CD99L2: variants seen among roughly 807,000 people sequenced by gnomAD.
CD99L2 encodes the protein CD99 antigen-like protein 2.
In CD99L2, 24 loss-of-function variants were observed where a neutral mutation model predicts 27.3. The ratio of observed to expected loss-of-function variants is 0.88; its 90% confidence interval spans 0.64 to 1.24. The LOEUF is 1.24. CD99L2 is among the 50% of genes most tolerant of loss of function. The pLI is 0.00. For missense variants in CD99L2, 255 were observed against 221.6 expected, an observed-to-expected ratio of 1.15 and a Z score of -0.96; for synonymous variants, 97 against 87.9, an observed-to-expected ratio of 1.10 and a Z score of -0.58.
At chrX:150,862,166 T>C (rs1046515499) in intron 1 of CD99L2, among the ~76,000 whole-genome samples, 2 of 111,993 alleles carry the variant, frequency 1.8e-5, no homozygotes, top group South Asian at 7.4e-4. Flanking sequence ...AAAAGCACTG[T>C]GATATAATAC....
At chrX:150,869,913 T>C (rs2047129281) in intron 1 of CD99L2, among the ~76,000 whole-genome samples, 1 of 110,944 alleles carries the variant, frequency 9.0e-6, no homozygotes, top group Admixed American at 9.6e-5. Context: ...GGGGAGGGAA[T>C]AGCTGACTGG....
At position 150,831,259 on chromosome X, in the gene CD99L2, A is replaced by C; in HGVS notation, c.102T>G (p.Asp34Glu). ...TTACTGAGGAAGTTTCTTTCACTGC[A>C]TCCTCCAGGTTAAAATCATCAAAGT... ...SGDFDDFNLE[D>E]AVKETSSVKQ... is the part of the protein sequence containing the mutation. The change falls in exon 2 of 11, where the codon GAT becomes GAG. Residue 34 changes from aspartate to glutamate, a missense_variant. Transcript: ENST00000370377. The C allele has an allele frequency of 8.3e-7, 1 of 1,206,439 alleles. No individual in the cohort carries two copies. Among genetic ancestry groups the C allele is most frequent in the African/African-American group, 1.7e-5 (1 of 57,629 alleles).
At chrX:150,889,455 T>C (rs928364737) in intron 1 of CD99L2, among the ~76,000 whole-genome samples, 1 of 109,333 alleles carries the variant, frequency 9.1e-6, no homozygotes, top group African/African-American at 3.5e-5. Context: ...CCCAGGCTAG[T>C]TGAAGCAGCA....
intron 4 of CD99L2, among the ~76,000 whole-genome samples, chrX:150,800,376 T>C (rs2045884717): frequency 1.8e-5 from 2 of 111,683 alleles, no homozygotes; most frequent in Non-Finnish European, 3.8e-5. Context: ...GAATCATGTG[T>C]TTGACCAACC....
chrX:150,773,299 C>T (rs990092252), intron 9 of CD99L2, among the ~76,000 whole-genome samples: 15 of 113,023 alleles, frequency 1.3e-4, no homozygotes, highest in Admixed American at 1.1e-3. Flanking sequence ...CTTGCCAGGC[C>T]GAGTTACAGG....
chrX:150,769,998 T>C (rs1603282575), intron 10 of CD99L2, among the ~76,000 whole-genome samples: 1 of 112,965 alleles, frequency 8.9e-6, no homozygotes. Context: ...CAGGATGTAA[T>C]TGTATTCGCT....
At chrX:150,799,755 T>C (rs932229245) in intron 4 of CD99L2, among the ~76,000 whole-genome samples, 3 of 111,380 alleles carry the variant, frequency 2.7e-5, no homozygotes, top group Admixed American at 9.5e-5. Flanking sequence ...CATGAAGAAA[T>C]TGGAACCCTG....
At chrX:150,793,570 T>A in intron 7 of CD99L2, 121 bp downstream of exon 7, 1 of 545,009 alleles carries the variant, frequency 1.8e-6, no homozygotes, top group Non-Finnish European at 2.9e-6. Flanking sequence ...GAACCCCAAC[T>A]GGCAGGCTGG....
At position 150,770,303 on chromosome X, in the gene CD99L2, C is replaced by A. The variant is rs112455976; in HGVS notation, c.721+1G>T. The A allele has an allele frequency of 2.5e-6, 3 of 1,210,899 alleles. No homozygotes were observed. Among genetic ancestry groups the A allele is most frequent in the Non-Finnish European group, 3.4e-6 (3 of 894,525 alleles). On this transcript the variant is annotated splice_donor_variant, in intron 10 of 10. Transcript: ENST00000370377. LOFTEE classifies it high-confidence loss of function. Reference sequence around the variant, plus strand: ...AGGGACAGTGAGTACAAAGTTCTCACCTTGGGGTTCCTCACATACCACGGC... The same window carrying A: ...AGGGACAGTGAGTACAAAGTTCTCAACTTGGGGTTCCTCACATACCACGGC...
chrX:150,843,577 G>A (rs1000630431), intron 1 of CD99L2, among the ~76,000 whole-genome samples: 2 of 110,326 alleles, frequency 1.8e-5, no homozygotes, highest in Admixed American at 1.9e-4. Flanking sequence ...CTTGAACCCA[G>A]GAGGCAGAGG....
intron 1 of CD99L2, among the ~76,000 whole-genome samples, chrX:150,863,201 G>C (rs1399398596): frequency 8.9e-6 from 1 of 112,017 alleles, no homozygotes; most frequent in Admixed American, 9.5e-5. Flanking sequence ...CAGGGCATTT[G>C]TGTGAGGTAA....
intron 1 of CD99L2, among the ~76,000 whole-genome samples, chrX:150,888,895 A>T (rs1488562378): frequency 8.9e-6 from 1 of 112,121 alleles, no homozygotes; most frequent in Non-Finnish European, 1.9e-5. Context: ...AGTAGAGCAG[A>T]GACAGCCATC....
intron 4 of CD99L2, among the ~76,000 whole-genome samples, chrX:150,797,332 A>T (rs1427943795): frequency 1.8e-5 from 2 of 112,505 alleles, no homozygotes; most frequent in African/African-American, 6.5e-5. Flanking sequence ...AGATCTTGTA[A>T]CCATTAAAAG....
intron 2 of CD99L2, among the ~76,000 whole-genome samples, chrX:150,828,150 C>CA: frequency 9.0e-6 from 1 of 111,544 alleles, no homozygotes; most frequent in Non-Finnish European, 1.9e-5. Flanking sequence ...TCCACTTCTG[C>CA]AAAAAATCCA....
intron 1 of CD99L2, among the ~76,000 whole-genome samples, chrX:150,880,051 A>G (rs1247242394): frequency 9.0e-6 from 1 of 111,681 alleles, no homozygotes; most frequent in Non-Finnish European, 1.9e-5. Context: ...AAAATGAAAC[A>G]GAAAATAACA....
At chrX:150,832,315 A>G (rs1420634501) in intron 1 of CD99L2, among the ~76,000 whole-genome samples, 1 of 112,759 alleles carries the variant, frequency 8.9e-6, no homozygotes, top group African/African-American at 3.2e-5. Flanking sequence ...ATTAAAAGGA[A>G]AATTTAAAAA....
intron 7 of CD99L2, among the ~76,000 whole-genome samples, chrX:150,785,995 A>G (rs2124076737): frequency 9.0e-6 from 1 of 111,470 alleles, no homozygotes; most frequent in South Asian, 3.8e-4. Flanking sequence ...CATAGCTCTC[A>G]TTTCTCTTGA....
chrX:150,768,857 T>C lies in CD99L2; in HGVS notation c.*177A>G. The C allele has an allele frequency of 1.0e-6, 1 of 983,048 alleles. No individual in the cohort carries two copies. Among genetic ancestry groups the C allele is most frequent in the South Asian group, 4.1e-5 (1 of 24,645 alleles). The allele number at this position is 983,048 out of a possible 1,213,427, so 81.0% of individuals were successfully genotyped here. ...TTTCGGCACCAAGTCTCAGCACGCT[T>C]GGGGCAGGGCAGAGAAACCAAACTC... On this transcript the variant is annotated 3_prime_UTR_variant, in exon 11 of 11. Transcript: ENST00000370377.
intron 2 of CD99L2, among the ~76,000 whole-genome samples, chrX:150,825,475 G>A (rs904553080): frequency 3.6e-5 from 4 of 112,029 alleles, no homozygotes; most frequent in Non-Finnish European, 5.6e-5. Flanking sequence ...TTCTGGAAAC[G>A]TCTCGTTTCT....
Sources: gnomAD v4.1 joint callset for allele counts (sites outside exome capture counted in the v4.1 genomes callset) on GRCh38, gnomAD v4.1.1 for gene constraint, MANE v1.5 for transcripts, NCBI Gene and HGNC (gene_info 2026-07-23, HGNC 2026-07-21) for gene names.